Variants in CTNNA3 observed in about 807,000 individuals in gnomAD.
CTNNA3 encodes catenin alpha-3.
Under a neutral mutation model 95.7 loss-of-function variants are expected in CTNNA3, and 76 were observed. The observed-to-expected ratio is 0.79, with a 90% confidence interval of 0.66 to 0.96. CTNNA3 has a LOEUF of 0.96. CTNNA3 is among the 40% of genes least tolerant of loss of function. The pLI is 0.00. For synonymous variants in CTNNA3, 431 were observed against 374.4 expected, an observed-to-expected ratio of 1.15 and a Z score of -1.74; for missense variants, 1,191 against 1,089.8, an observed-to-expected ratio of 1.09 and a Z score of -1.31.
At chr10:66,978,552 A>AAAAAAATATATATATATATATAT in intron 7 of CTNNA3, among the ~76,000 whole-genome samples, 1 of 37,866 alleles carries the variant, frequency 2.6e-5, no homozygotes, top group African/African-American at 8.7e-5. Flanking sequence ...AAAAAAAAAA[A>AAAAAAATATATATATATATATAT]ATATATATAT....
intron 13 of CTNNA3, among the ~76,000 whole-genome samples, chr10:66,120,334 G>T (rs77851568): frequency 6.6e-6 from 1 of 152,110 alleles, no homozygotes; most frequent in Non-Finnish European, 1.5e-5. Flanking sequence ...CACAATAAAT[G>T]CTCAGTAAAT....
At chr10:67,467,728 T>A (rs929963075) in intron 5 of CTNNA3, among the ~76,000 whole-genome samples, 3 of 151,746 alleles carry the variant, frequency 2.0e-5, no homozygotes, top group Non-Finnish European at 2.9e-5. Context: ...TATTATTATT[T>A]TTGAGATGGG....
chr10:67,191,312 T>C (rs1407464763), intron 6 of CTNNA3, among the ~76,000 whole-genome samples: 1 of 151,810 alleles, frequency 6.6e-6, no homozygotes, highest in Non-Finnish European at 1.5e-5. Flanking sequence ...AGAAGTAAAA[T>C]TTTCTCTGTT....
intron 15 of CTNNA3, among the ~76,000 whole-genome samples, chr10:66,026,813 T>TA (rs2079349792): frequency 6.6e-6 from 1 of 152,156 alleles, no homozygotes; most frequent in Admixed American, 6.5e-5. Flanking sequence ...TAAATCAGTT[T>TA]AAAAAATCAC....
At chr10:67,314,156 C>G (rs1179993157) in intron 5 of CTNNA3, among the ~76,000 whole-genome samples, 1 of 152,152 alleles carries the variant, frequency 6.6e-6, no homozygotes, top group Non-Finnish European at 1.5e-5. Context: ...TAGAGTTCCT[C>G]TTAGTGTAAT....
chr10:67,147,731 C>A (rs1374531541), intron 7 of CTNNA3, among the ~76,000 whole-genome samples: 1 of 152,022 alleles, frequency 6.6e-6, no homozygotes, highest in African/African-American at 2.4e-5. Context: ...CATAATCAGG[C>A]TCTTTTTTTT....
At chr10:66,103,277 G>A in intron 13 of CTNNA3, 28 bp from the exon 14 acceptor site, 1 of 1,533,526 alleles carries the variant, frequency 6.5e-7, no homozygotes, top group African/African-American at 1.4e-5. Flanking sequence ...AACATTGCTA[G>A]TGGGAATGTA....
chr10:66,520,728 C>T lies in CTNNA3; in HGVS notation c.1420G>A (p.Ala474Thr). The change falls in exon 11 of 18, where the codon GCG becomes ACG. Residue 474 changes from alanine (A) to threonine (T), a missense_variant. Transcript: ENST00000433211. ...TACATTTCCATGGTGTTTTTGACCG[C>T]TTGACTTTTGGGTCTTGCAGCCAAA... ...LALAARPKSQ[A>T]VKNTMEMYKR... 2 of 1,612,962 alleles carry T rather than the reference C, an allele frequency of 1.2e-6. No individual in the cohort carries two copies. Among genetic ancestry groups the T allele is most frequent in the Non-Finnish European group, 1.7e-6 (2 of 1,179,482 alleles).
intron 17 of CTNNA3, among the ~76,000 whole-genome samples, chr10:65,930,501 G>C (rs1259897806): frequency 6.6e-6 from 1 of 152,164 alleles, no homozygotes; most frequent in East Asian, 1.9e-4. Flanking sequence ...ATCTTGACTA[G>C]GAAAATGTTC....
intron 7 of CTNNA3, among the ~76,000 whole-genome samples, chr10:66,835,915 A>G (rs1336284714): frequency 6.6e-6 from 1 of 152,012 alleles, no homozygotes; most frequent in Non-Finnish European, 1.5e-5. Context: ...GATAATTTGC[A>G]TTTCTAACAA....
intron 7 of CTNNA3, among the ~76,000 whole-genome samples, chr10:67,097,418 C>A (rs1858067721): frequency 6.6e-6 from 1 of 151,838 alleles, no homozygotes; most frequent in African/African-American, 2.4e-5. Flanking sequence ...GCACTGATCT[C>A]ACCATATAGG....
At chr10:67,519,453 T>G (rs1375900248) in intron 5 of CTNNA3, among the ~76,000 whole-genome samples, 1 of 152,204 alleles carries the variant, frequency 6.6e-6, no homozygotes, top group Non-Finnish European at 1.5e-5. Flanking sequence ...CTCTCAGCCC[T>G]TGGTATCCAG....
At chr10:66,429,072 A>G (rs541077432) in intron 11 of CTNNA3, among the ~76,000 whole-genome samples, 20 of 152,208 alleles carry the variant, frequency 1.3e-4, no homozygotes, top group African/African-American at 4.6e-4. Context: ...TAAAGGGGAT[A>G]TCACCACCGA....
chr10:67,291,570 T>C (rs1839838824), intron 5 of CTNNA3, among the ~76,000 whole-genome samples: 1 of 152,200 alleles, frequency 6.6e-6, no homozygotes, highest in African/African-American at 2.4e-5. Flanking sequence ...ACATCTACCA[T>C]TGTGAGCACC....
intron 12 of CTNNA3, among the ~76,000 whole-genome samples, chr10:66,364,723 G>A (rs2092699645): frequency 6.6e-6 from 1 of 152,026 alleles, no homozygotes; most frequent in African/African-American, 2.4e-5. Context: ...TACAGATATG[G>A]GGCCCATAGA....
At chr10:66,614,598 G>A (rs982439843) in intron 10 of CTNNA3, among the ~76,000 whole-genome samples, 3 of 151,898 alleles carry the variant, frequency 2.0e-5, no homozygotes, top group African/African-American at 7.2e-5. Context: ...AGAAATTACA[G>A]ATTTTCAGTA....
intron 5 of CTNNA3, among the ~76,000 whole-genome samples, chr10:67,350,084 G>A (rs749856637): frequency 3.3e-5 from 5 of 152,078 alleles, no homozygotes; most frequent in Admixed American, 1.3e-4. Context: ...CTGACCACTT[G>A]TGCAAAATGT....
chr10:66,113,339 T>G (rs1235798306), intron 13 of CTNNA3, among the ~76,000 whole-genome samples: 1 of 152,174 alleles, frequency 6.6e-6, no homozygotes, highest in African/African-American at 2.4e-5. Flanking sequence ...TTTTCTTTAA[T>G]TGTTTGAATT....
chr10:66,460,840 C>G (rs919598240), intron 11 of CTNNA3, among the ~76,000 whole-genome samples: 1 of 152,158 alleles, frequency 6.6e-6, no homozygotes, highest in Admixed American at 6.6e-5. Context: ...CTCCTTGGAA[C>G]TCACAAATCT....
Sources: gnomAD v4.1 joint callset for allele counts (sites outside exome capture counted in the v4.1 genomes callset) on GRCh38, gnomAD v4.1.1 for gene constraint, MANE v1.5 for transcripts, NCBI Gene and HGNC (gene_info 2026-07-23, HGNC 2026-07-21) for gene names.